EPB41: variants seen among roughly 807,000 people sequenced by gnomAD.
The protein encoded by EPB41 is protein 4.1.
A neutral mutation model predicts 108.0 loss-of-function variants in EPB41; 65 were observed. The ratio of observed to expected loss-of-function variants is 0.60; its 90% CI spans 0.49 to 0.74. The LOEUF is 0.74. EPB41 is among the 30% of genes least tolerant of loss of function. EPB41 has a pLI of 0.00. For missense variants in EPB41, 875 were observed against 1,037.0 expected (o/e 0.84, Z 2.15); for synonymous variants, 336 against 358.9 (o/e 0.94, Z 0.72).
chr1:29,108,799 C>T (rs1015747637), intron 17 of EPB41, among the ~76,000 whole-genome samples: 1 of 150,344 alleles, frequency 6.7e-6, no homozygotes, highest in African/African-American at 2.4e-5. Context: ...TCAGGTGATC[C>T]ACCCGCCTAC....
At chr1:29,015,844 A>T in intron 6 of EPB41, 77 bp downstream of exon 6, 1 of 969,210 alleles carries the variant, frequency 1.0e-6, no homozygotes. Flanking sequence ...TACCACCATA[A>T]GCTCTGCTAA....
Position 29,115,906 on chromosome 1 carries a change from G to T in EPB41, c.*6+103G>T. On this transcript the variant is annotated intron_variant, in intron 20 of 20. Coordinates refer to ENST00000343067, the MANE Select transcript of EPB41 (RefSeq NM_001376013.1). This position sits in a 1 kb window ranked among gnomAD's most constrained non-coding sequence, Gnocchi z 4.4. ...ACTGGGAGCCCATCCCCACAAAGAG[G>T]TGTTCACCCTGGGACTTGATAAAGG... 1.1e-6 allele frequency: 1 copy of T among 871,468 alleles called. No homozygotes were observed. Among genetic ancestry groups the T allele is most frequent in the Admixed American group, 1.9e-5 (1 of 52,046 alleles). The allele number at this position is 871,468 out of a possible 1,614,324, so 54.0% of individuals were successfully genotyped here.
intron 16 of EPB41, 44 bp from the exon 17 acceptor site, chr1:29,097,763 G>T: frequency 6.2e-7 from 1 of 1,608,724 alleles, no homozygotes; most frequent in Non-Finnish European, 8.5e-7. Flanking sequence ...CTTCTCCATT[G>T]CCTTCAGAAA....
At chr1:28,979,652 T>C (rs758507625) in intron 1 of EPB41, among the ~76,000 whole-genome samples, 2 of 145,538 alleles carry the variant, frequency 1.4e-5, no homozygotes, top group Non-Finnish European at 3.0e-5. Context: ...CTAAATCTAA[T>C]ATAGCAAAAC....
intron 1 of EPB41, among the ~76,000 whole-genome samples, chr1:28,924,715 T>C (rs1469054172): frequency 2.6e-5 from 4 of 152,224 alleles, no homozygotes; most frequent in East Asian, 3.8e-4. Context: ...TAAATACTTA[T>C]TGATTGTTCA....
chr1:28,900,637 G>A (rs544600783), intron 1 of EPB41, among the ~76,000 whole-genome samples: 1 of 152,156 alleles, frequency 6.6e-6, no homozygotes, highest in South Asian at 2.1e-4. Flanking sequence ...TTGTAAAATG[G>A]TGAGAATAGT....
At chr1:28,908,726 G>A (rs1250666411) in intron 1 of EPB41, among the ~76,000 whole-genome samples, 9 of 151,436 alleles carry the variant, frequency 5.9e-5, no homozygotes, top group South Asian at 4.2e-4. Flanking sequence ...CACTGTGCCC[G>A]GCCCAAGTAT....
intron 1 of EPB41, among the ~76,000 whole-genome samples, chr1:28,961,760 A>G (rs1461227008): frequency 1.3e-5 from 2 of 152,182 alleles, no homozygotes; most frequent in Non-Finnish European, 2.9e-5. Context: ...GCAAATTACT[A>G]TCATCACTCA....
chr1:28,926,401 C>T (rs1001022494), intron 1 of EPB41, among the ~76,000 whole-genome samples: 1 of 152,186 alleles, frequency 6.6e-6, no homozygotes, highest in African/African-American at 2.4e-5. Context: ...TTCACCACAG[C>T]TCTTTGGAGT....
At chr1:29,101,116 C>T (rs763778439) in intron 17 of EPB41, among the ~76,000 whole-genome samples, 3 of 151,752 alleles carry the variant, frequency 2.0e-5, no homozygotes, top group East Asian at 3.9e-4. Flanking sequence ...CCCAGCTAGT[C>T]GAGTGGCTGA....
At chr1:28,952,342 A>T (rs1331785555) in intron 1 of EPB41, among the ~76,000 whole-genome samples, 1 of 152,088 alleles carries the variant, frequency 6.6e-6, no homozygotes, top group Non-Finnish European at 1.5e-5. Context: ...CCTGACCAAC[A>T]TGGTGAAACC....
At chr1:28,971,318 G>A (rs1268446583) in intron 1 of EPB41, among the ~76,000 whole-genome samples, 1 of 151,176 alleles carries the variant, frequency 6.6e-6, no homozygotes, top group Non-Finnish European at 1.5e-5. Flanking sequence ...CAAGTAGCTG[G>A]GATTACAAGC....
intron 1 of EPB41, among the ~76,000 whole-genome samples, chr1:28,925,627 GA>G (rs1014595811): frequency 2.4e-4 from 37 of 152,226 alleles, no homozygotes; most frequent in African/African-American, 8.4e-4. Context: ...GGTATCTGGG[GA>G]AGAGCATCCC....
intron 1 of EPB41, chr1:28,982,650 C>G: frequency 1.1e-6 from 1 of 889,976 alleles, no homozygotes; most frequent in Non-Finnish European, 1.9e-6. Context: ...AAAAGCCCAT[C>G]ATGGTTTTTG....
At chr1:28,964,197 T>A (rs574477969) in intron 1 of EPB41, among the ~76,000 whole-genome samples, 1 of 152,198 alleles carries the variant, frequency 6.6e-6, no homozygotes, top group Non-Finnish European at 1.5e-5. Flanking sequence ...CCCAGCACTT[T>A]GGGAGGTTGA....
chr1:28,897,597 G>C (rs1296824823), intron 1 of EPB41, among the ~76,000 whole-genome samples: 2 of 96,798 alleles, frequency 2.1e-5, no homozygotes, highest in African/African-American at 8.7e-5. Context: ...GGGAAGGGAA[G>C]GGAAGGGGAG....
chr1:28,929,551 G>A (rs958941834), intron 1 of EPB41, among the ~76,000 whole-genome samples: 2 of 139,464 alleles, frequency 1.4e-5, no homozygotes, highest in Non-Finnish European at 3.1e-5. Context: ...TTTTTTTTGA[G>A]ACGGAGTTTC....
chr1:29,071,344 TC>T (rs2151106611), intron 16 of EPB41: 1 of 152,274 alleles, frequency 6.6e-6, no homozygotes, highest in African/African-American at 2.4e-5. Flanking sequence ...CCCCTTAGCC[TC>T]CAGCCAGGAC....
intron 1 of EPB41, among the ~76,000 whole-genome samples, chr1:28,967,691 C>T (rs980673889): frequency 1.8e-4 from 28 of 151,396 alleles, no homozygotes; most frequent in Admixed American, 1.8e-3. Context: ...CTGCAACCTC[C>T]ACCTCCTGGG....
Sources: allele counts gnomAD v4.1 joint callset (sites outside exome capture counted in the v4.1 genomes callset), GRCh38; gene constraint gnomAD v4.1.1; non-coding constraint Gnocchi (gnomAD v3.1); transcripts MANE v1.5; gene names NCBI Gene and HGNC (gene_info 2026-07-23, HGNC 2026-07-21).